Variants in KIAA1217 observed in about 807,000 individuals in gnomAD.
The protein encoded by KIAA1217 is KIAA1217.
KIAA1217 carries 88 observed loss-of-function variants against 163.9 expected under a neutral mutation model. The ratio of observed to expected loss-of-function variants is 0.54; its 90% confidence interval spans 0.45 to 0.64. KIAA1217 has a LOEUF of 0.64. Among genes scored for constraint, KIAA1217 ranks in the 30% least tolerant of loss-of-function variants. KIAA1217 has a pLI of 0.00. For synonymous variants in KIAA1217, 903 were observed against 923.1 expected (o/e 0.98, Z 0.39); for missense variants, 2,372 against 2,475.0 (o/e 0.96, Z 0.88).
intron 1 of KIAA1217, among the ~76,000 whole-genome samples, chr10:23,953,989 T>C (rs1844448508): frequency 1.3e-5 from 2 of 152,232 alleles, no homozygotes; most frequent in South Asian, 4.1e-4. Context: ...GAAGCTCTTC[T>C]CTTGCTATGA....
intron 5 of KIAA1217, among the ~76,000 whole-genome samples, chr10:24,446,885 C>T (rs1243833284): frequency 6.6e-6 from 1 of 152,196 alleles, no homozygotes. Flanking sequence ...AATTTAGAGC[C>T]AGGCAGGCCA....
intron 3 of KIAA1217, among the ~76,000 whole-genome samples, chr10:24,418,296 C>T (rs561691612): frequency 6.6e-6 from 1 of 152,184 alleles, no homozygotes; most frequent in Non-Finnish European, 1.5e-5. Context: ...GTAGTTTATC[C>T]TGGAAATTCC....
intron 2 of KIAA1217, among the ~76,000 whole-genome samples, chr10:24,094,014 T>A (rs1424781807): frequency 6.6e-6 from 1 of 151,814 alleles, no homozygotes; most frequent in Non-Finnish European, 1.5e-5. Context: ...TATTCCATGG[T>A]GTATATGTGC....
At chr10:24,461,531 C>A (rs2062409405) in intron 5 of KIAA1217, among the ~76,000 whole-genome samples, 4 of 151,820 alleles carry the variant, frequency 2.6e-5, no homozygotes, top group African/African-American at 7.3e-5. Flanking sequence ...GTTTTTTGTA[C>A]TTTTAGTAGA....
intron 2 of KIAA1217, among the ~76,000 whole-genome samples, chr10:24,145,556 A>G (rs2064270538): frequency 6.6e-6 from 1 of 152,212 alleles, no homozygotes; most frequent in Non-Finnish European, 1.5e-5. Context: ...GGATAGATGT[A>G]TATATGAAGG....
At chr10:24,018,259 A>G (rs1847578299) in intron 2 of KIAA1217, among the ~76,000 whole-genome samples, 1 of 152,154 alleles carries the variant, frequency 6.6e-6, no homozygotes, top group Non-Finnish European at 1.5e-5. Flanking sequence ...CATTGGAGTT[A>G]TCAGACCTAG....
intron 1 of KIAA1217, among the ~76,000 whole-genome samples, chr10:23,776,624 GA>G (rs956653410): frequency 6.8e-6 from 1 of 148,008 alleles, no homozygotes; most frequent in Non-Finnish European, 1.5e-5. Context: ...AAAATTACTA[GA>G]AAAAATACAT....
chr10:24,150,189 G>A (rs1305926339), intron 2 of KIAA1217, among the ~76,000 whole-genome samples: 1 of 152,016 alleles, frequency 6.6e-6, no homozygotes, highest in African/African-American at 2.4e-5. Context: ...GGATAATTTT[G>A]TATTTTTAGT....
chr10:24,146,163 T>G (rs946655315), intron 2 of KIAA1217, among the ~76,000 whole-genome samples: 2 of 152,214 alleles, frequency 1.3e-5, no homozygotes, highest in African/African-American at 4.8e-5. Context: ...CCGTTTCATA[T>G]TGAATTAATC....
intron 1 of KIAA1217, among the ~76,000 whole-genome samples, chr10:23,883,032 A>G (rs16916214): frequency 0.019 from 2,926 of 152,054 alleles, 95 homozygotes; most frequent in African/African-American, 0.064. Flanking sequence ...TTTGCATTAC[A>G]GTGATAGCTA....
intron 2 of KIAA1217, among the ~76,000 whole-genome samples, chr10:24,060,332 G>T (rs760043319): frequency 1.3e-5 from 2 of 151,788 alleles, no homozygotes; most frequent in Non-Finnish European, 2.9e-5. Flanking sequence ...TTTCATTTTT[G>T]TTGGTTGCAA....
chr10:23,893,671 G>T (rs1162401057), intron 1 of KIAA1217, among the ~76,000 whole-genome samples: 4 of 151,812 alleles, frequency 2.6e-5, no homozygotes, highest in Non-Finnish European at 5.9e-5. Flanking sequence ...GAAAAGACAG[G>T]CAGAGACGCA....
At chr10:23,802,008 T>G (rs1836490562) in intron 1 of KIAA1217, among the ~76,000 whole-genome samples, 1 of 152,212 alleles carries the variant, frequency 6.6e-6, no homozygotes, top group Admixed American at 6.5e-5. Context: ...CCTCCAACTG[T>G]AAAGACTGAA....
At chr10:24,084,024 T>G (rs6482365) in intron 2 of KIAA1217, among the ~76,000 whole-genome samples, 31,145 of 152,134 alleles carry the variant, frequency 0.2, 6,752 homozygotes, top group African/African-American at 0.55. Flanking sequence ...TGAGGTCTTT[T>G]CACTTGCTCT....
At chr10:24,211,726 G>A (rs956803288) in intron 1 of KIAA1217, among the ~76,000 whole-genome samples, 3 of 151,908 alleles carry the variant, frequency 2.0e-5, no homozygotes, top group Non-Finnish European at 4.4e-5. Flanking sequence ...AGGGCAGGGA[G>A]GCCTTTAGGA....
chr10:24,210,873 G>A (rs1177928927), intron 1 of KIAA1217, among the ~76,000 whole-genome samples: 6 of 151,864 alleles, frequency 4.0e-5, no homozygotes, highest in South Asian at 4.2e-4. Flanking sequence ...TAGATGGCAC[G>A]GCTGCTGGAT....
At position 24,324,919 on chromosome 10, in the gene KIAA1217, G is replaced by C. The variant is rs12246661; in HGVS notation, c.355-55950G>C. Among the ~76,000 whole-genome samples, 194 of 152,222 alleles carry C rather than the reference G, an allele frequency of 1.3e-3. 1 individual carries two copies. The highest frequency in any genetic ancestry group is 4.6e-3 in the African/African-American group (191 of 41,538). ...ATTCAGCGACTGACTGTTTAGAAAA[G>C]CCTGGCCTTCTTGGGTTGCCCATGA... On this transcript the variant is annotated intron_variant, in intron 2 of 20. Transcript: ENST00000376454.
chr10:23,833,567 A>G (rs1325254455), intron 1 of KIAA1217, among the ~76,000 whole-genome samples: 1 of 151,342 alleles, frequency 6.6e-6, no homozygotes, highest in Non-Finnish European at 1.5e-5. Flanking sequence ...GTAGTTGCTG[A>G]TGAAAAAATA....
intron 1 of KIAA1217, among the ~76,000 whole-genome samples, chr10:23,914,824 C>A (rs1174588930): frequency 1.3e-5 from 2 of 152,166 alleles, no homozygotes. Context: ...CACTGCTGGG[C>A]AAGCTGCCAG....
Sources: allele counts gnomAD v4.1 joint callset (sites outside exome capture counted in the v4.1 genomes callset), GRCh38; gene constraint gnomAD v4.1.1; transcripts MANE v1.5; gene names NCBI Gene and HGNC (gene_info 2026-07-23, HGNC 2026-07-21).